MAGI1: variants seen among roughly 807,000 people sequenced by gnomAD.
The protein encoded by MAGI1 is membrane associated guanylate kinase, WW and PDZ domain containing 1.
Under a neutral mutation model 139.9 loss-of-function variants are expected in MAGI1, and 58 were observed. The ratio of observed to expected loss-of-function variants is 0.41; its 90% confidence interval spans 0.34 to 0.52. MAGI1 has a LOEUF of 0.52. Among genes scored for constraint, MAGI1 ranks in the 20% least tolerant of loss-of-function variants. The probability of loss-of-function intolerance (pLI) is 0.12; values close to 1 mark genes in which losing one functional copy is unlikely to be tolerated. For synonymous variants in MAGI1, 812 were observed against 737.9 expected (o/e 1.10, Z -1.63); for missense variants, 1,874 against 1,901.6 (o/e 0.99, Z 0.27).
chr3:65,962,146 G>A (rs540844989), intron 1 of MAGI1, among the ~76,000 whole-genome samples: 33 of 143,726 alleles, frequency 2.3e-4, no homozygotes, highest in African/African-American at 8.0e-4. Context: ...TTTTTTTGAC[G>A]GAGTCTCTCT....
chr3:65,668,727 T>C (rs2086677908), intron 1 of MAGI1, among the ~76,000 whole-genome samples: 1 of 151,646 alleles, frequency 6.6e-6, no homozygotes, highest in Admixed American at 6.6e-5. Context: ...GTAATTTTTG[T>C]ACTTTTAGTA....
At chr3:65,491,282 C>T (rs1446230434) in intron 3 of MAGI1, among the ~76,000 whole-genome samples, 1 of 152,130 alleles carries the variant, frequency 6.6e-6, no homozygotes, top group African/African-American at 2.4e-5. Context: ...GTGTCCCCAT[C>T]TAAAAATTCA....
At chr3:65,621,517 C>T (rs967831059) in intron 2 of MAGI1, among the ~76,000 whole-genome samples, 12 of 152,176 alleles carry the variant, frequency 7.9e-5, no homozygotes, top group Non-Finnish European at 1.3e-4. Flanking sequence ...GGAAGGAAGA[C>T]AGAGCCCACT....
intron 12 of MAGI1, among the ~76,000 whole-genome samples, chr3:65,424,797 C>A (rs915386947): frequency 6.6e-6 from 1 of 152,052 alleles, no homozygotes. Context: ...GTCAAAGAAT[C>A]AAAACTAGAA....
rs181555591 is a variant in MAGI1, at chr3:65,744,511, T to G, written c.314-122423A>C. Among the ~76,000 whole-genome samples the G allele has an allele frequency of 1.3e-3, 203 of 152,334 alleles. No individual in the cohort carries two copies. In the Middle Eastern group the frequency reaches 0.014, roughly 10 times the overall value. On this transcript the variant is annotated intron_variant, in intron 1 of 22. Transcript: ENST00000402939. ...ACTGTTTTAAATGAATGAGTCTGGTTAGAATGAAATCTTAAGTAGCTGACC... is the reference window on the plus strand; with the variant it reads ...ACTGTTTTAAATGAATGAGTCTGGTGAGAATGAAATCTTAAGTAGCTGACC...
chr3:65,474,300 A>C (rs896102223), intron 4 of MAGI1, among the ~76,000 whole-genome samples: 8 of 152,048 alleles, frequency 5.3e-5, no homozygotes, highest in Admixed American at 2.6e-4. Context: ...TAATTTACCA[A>C]AGATTTAGGA....
intron 2 of MAGI1, among the ~76,000 whole-genome samples, chr3:65,536,041 T>G (rs1432656759): frequency 6.6e-6 from 1 of 152,214 alleles, no homozygotes; most frequent in Non-Finnish European, 1.5e-5. Context: ...AAACTCCTGT[T>G]CACTTTGGGA....
chr3:66,002,082 C>CA (rs2066771761), intron 1 of MAGI1, among the ~76,000 whole-genome samples: 1 of 152,118 alleles, frequency 6.6e-6, no homozygotes, highest in Non-Finnish European at 1.5e-5. Context: ...GTCTCATAAA[C>CA]AAAAACAAAT....
At chr3:65,377,158 C>T (rs544963892) in intron 17 of MAGI1, among the ~76,000 whole-genome samples, 12 of 152,290 alleles carry the variant, frequency 7.9e-5, no homozygotes, top group Admixed American at 7.2e-4. Context: ...TGGGAAAATG[C>T]ACTTTAATTC....
intron 15 of MAGI1, among the ~76,000 whole-genome samples, chr3:65,382,748 G>A (rs2106911210): frequency 6.6e-6 from 1 of 152,250 alleles, no homozygotes; most frequent in South Asian, 2.1e-4. Context: ...GACCTTATTT[G>A]TCAGTCCCTC....
intron 1 of MAGI1, among the ~76,000 whole-genome samples, chr3:65,817,787 T>C (rs1307183400): frequency 6.6e-6 from 1 of 152,212 alleles, no homozygotes; most frequent in Non-Finnish European, 1.5e-5. Context: ...ACACCACTTT[T>C]ATCACAGTAA....
chr3:65,612,440 C>T (rs943474763), intron 2 of MAGI1, among the ~76,000 whole-genome samples: 1 of 151,936 alleles, frequency 6.6e-6, no homozygotes, highest in Non-Finnish European at 1.5e-5. Context: ...GGCCATTTAC[C>T]CCTAAATACA....
intron 1 of MAGI1, among the ~76,000 whole-genome samples, chr3:65,989,427 G>A (rs12634354): frequency 1.3e-5 from 2 of 152,332 alleles, no homozygotes; most frequent in East Asian, 1.9e-4. Context: ...TGAGTCTAAT[G>A]TAATGCTACT....
At chr3:65,852,617 C>G (rs951044019) in intron 1 of MAGI1, among the ~76,000 whole-genome samples, 5 of 151,630 alleles carry the variant, frequency 3.3e-5, no homozygotes, top group African/African-American at 1.2e-4. Context: ...GATTGTCCTG[C>G]CTCAACCTCC....
In MAGI1 at chr3:66,033,909, G is replaced by A. The variant is rs574427962; in HGVS notation, c.313+4087C>T. Among the ~76,000 whole-genome samples, 25 of 152,210 alleles carry A rather than the reference G, an allele frequency of 1.6e-4. 1 individual carries two copies. Among genetic ancestry groups the A allele is most frequent in the Admixed American group, 3.3e-4 (5 of 15,296 alleles). On this transcript the variant is annotated intron_variant, in intron 1 of 22. Transcript: ENST00000402939. ...GATTCATGGAAACAAAGGATTTCAC[G>A]AGCACAAATAACCTGAAGAGGCTCA...
intron 1 of MAGI1, among the ~76,000 whole-genome samples, chr3:65,731,636 C>T (rs1206532300): frequency 7.2e-6 from 1 of 139,314 alleles, no homozygotes; most frequent in African/African-American, 2.7e-5. Flanking sequence ...GCCTGGGTGA[C>T]AGAGTGAGAC....
intron 5 of MAGI1, among the ~76,000 whole-genome samples, chr3:65,459,383 CTTT>C (rs1949622666): frequency 6.6e-6 from 1 of 152,178 alleles, no homozygotes; most frequent in Non-Finnish European, 1.5e-5. Flanking sequence ...GTGTAGACTT[CTTT>C]GAGTAGTATG....
chr3:65,712,036 G>A (rs1279009505), intron 1 of MAGI1, among the ~76,000 whole-genome samples: 4 of 152,112 alleles, frequency 2.6e-5, no homozygotes, highest in Admixed American at 1.3e-4. Context: ...CAGAAAGAGA[G>A]GGTGTTTCTC....
At chr3:65,930,365 A>C (rs930289074) in intron 1 of MAGI1, among the ~76,000 whole-genome samples, 28 of 151,312 alleles carry the variant, frequency 1.9e-4, no homozygotes, top group Non-Finnish European at 4.1e-4. Flanking sequence ...TAAAGGAAAA[A>C]CCAAGGTCTT....
Sources: allele counts gnomAD v4.1 joint callset (sites outside exome capture counted in the v4.1 genomes callset), GRCh38; gene constraint gnomAD v4.1.1; transcripts MANE v1.5; gene names NCBI Gene and HGNC (gene_info 2026-07-23, HGNC 2026-07-21).